Variants in KLHL32 observed in about 807,000 individuals in gnomAD.
The protein encoded by KLHL32 is kelch like family member 32, also known as kelch-like protein 32.
In KLHL32, 35 loss-of-function variants were observed where a neutral mutation model predicts 64.8. That is an observed-to-expected ratio of 0.54 (90% CI 0.41 to 0.72). The LOEUF (loss-of-function observed/expected upper bound fraction) is 0.72. Among genes scored for constraint, KLHL32 ranks in the 30% least tolerant of loss-of-function variants. The pLI is 0.00. For missense variants in KLHL32, 589 were observed against 768.5 expected, an observed-to-expected ratio of 0.77 and a Z score of 2.76; for synonymous variants, 259 against 281.0, an observed-to-expected ratio of 0.92 and a Z score of 0.78.
At chr6:97,058,034 A>T (rs1393399317) in intron 4 of KLHL32, among the ~76,000 whole-genome samples, 3 of 152,132 alleles carry the variant, frequency 2.0e-5, no homozygotes, top group Non-Finnish European at 4.4e-5. Flanking sequence ...CTATAATATT[A>T]TCTATGCTCT....
chr6:97,125,944 G>A (rs183231267), intron 7 of KLHL32, among the ~76,000 whole-genome samples: 83 of 152,266 alleles, frequency 5.5e-4, no homozygotes, highest in Non-Finnish European at 1.1e-3. Context: ...CTCAAAGAGG[G>A]AGAGAAAGAA....
chr6:96,944,713 G>A (rs1277116960), intron 1 of KLHL32, among the ~76,000 whole-genome samples: 3 of 152,232 alleles, frequency 2.0e-5, no homozygotes, highest in Non-Finnish European at 4.4e-5. Flanking sequence ...GTAATAAGTT[G>A]TGAGGTTAGA....
intron 1 of KLHL32, among the ~76,000 whole-genome samples, chr6:96,947,980 G>T (rs949314044): frequency 6.6e-6 from 1 of 152,112 alleles, no homozygotes; most frequent in African/African-American, 2.4e-5. Context: ...ATAAAGAAAT[G>T]AATTGTATGA....
At chr6:96,937,774 C>G (rs1770792838) in intron 1 of KLHL32, among the ~76,000 whole-genome samples, 3 of 152,192 alleles carry the variant, frequency 2.0e-5, no homozygotes, top group Non-Finnish European at 4.4e-5. Flanking sequence ...TACAGCTTCT[C>G]TGTGCCACTT....
chr6:96,965,555 A>G (rs185859355), intron 1 of KLHL32, among the ~76,000 whole-genome samples: 40 of 152,332 alleles, frequency 2.6e-4, no homozygotes, highest in Admixed American at 2.2e-3. Flanking sequence ...GGACTTTCAG[A>G]AAGATTAAGG....
intron 1 of KLHL32, among the ~76,000 whole-genome samples, chr6:96,945,920 C>G (rs987984459): frequency 6.6e-6 from 1 of 152,042 alleles, no homozygotes; most frequent in Non-Finnish European, 1.5e-5. Context: ...TGAGACAAAC[C>G]CTGGAACTGA....
At chr6:96,907,949 A>G in the KLHL32 span, among the ~76,000 whole-genome samples, 1 of 152,256 alleles carries the variant, frequency 6.6e-6, no homozygotes, top group Non-Finnish European at 1.5e-5. Flanking sequence ...AGAAACCAAT[A>G]GAACAGACCA....
chr6:97,120,050 G>A (rs1798200620), intron 7 of KLHL32, among the ~76,000 whole-genome samples: 1 of 152,102 alleles, frequency 6.6e-6, no homozygotes, highest in Non-Finnish European at 1.5e-5. Context: ...TGAAGGTGTA[G>A]GGAGGAGGGG....
chr6:96,907,879 G>A, the KLHL32 span, among the ~76,000 whole-genome samples: 42,794 of 152,104 alleles, frequency 0.28, 6,071 homozygotes, highest in South Asian at 0.32. Context: ...CGCTCAAGAT[G>A]TACAACTAAT....
intron 4 of KLHL32, among the ~76,000 whole-genome samples, chr6:97,049,804 A>G (rs1229446318): frequency 6.6e-6 from 1 of 152,164 alleles, no homozygotes; most frequent in Non-Finnish European, 1.5e-5. Context: ...CTCTTTTATC[A>G]GTGCATTATT....
chr6:96,903,413 A>T, the KLHL32 span, among the ~76,000 whole-genome samples: 1 of 152,206 alleles, frequency 6.6e-6, no homozygotes, highest in African/African-American at 2.4e-5. Context: ...GATTACGGTC[A>T]CTCTCATGAT....
intron 6 of KLHL32, among the ~76,000 whole-genome samples, chr6:97,099,248 G>A (rs1235474804): frequency 6.6e-6 from 1 of 152,162 alleles, no homozygotes; most frequent in Non-Finnish European, 1.5e-5. Flanking sequence ...CCCCTCAACG[G>A]TGATATTCCC....
intron 3 of KLHL32, among the ~76,000 whole-genome samples, chr6:97,012,028 C>T (rs1413541897): frequency 6.6e-6 from 1 of 152,150 alleles, no homozygotes; most frequent in Non-Finnish European, 1.5e-5. Context: ...TAATCAATCA[C>T]GTAACTGCTG....
the KLHL32 span, among the ~76,000 whole-genome samples, chr6:96,901,007 G>C: frequency 6.6e-6 from 1 of 152,162 alleles, no homozygotes; most frequent in African/African-American, 2.4e-5. Context: ...CTGGGAGCGG[G>C]GGGTAGTGCC....
chr6:96,931,433 A>C (rs747123497), intron 1 of KLHL32, among the ~76,000 whole-genome samples: 1 of 152,234 alleles, frequency 6.6e-6, no homozygotes. Flanking sequence ...TAGCCTGAGC[A>C]GTATATTGTA....
At chr6:96,960,810 G>A (rs1252183605) in intron 1 of KLHL32, among the ~76,000 whole-genome samples, 3 of 152,148 alleles carry the variant, frequency 2.0e-5, no homozygotes, top group Admixed American at 6.5e-5. Flanking sequence ...TGGAAGCGGG[G>A]GCTTCTGGGT....
chr6:97,128,015 C>T (rs1194755451), intron 8 of KLHL32, among the ~76,000 whole-genome samples: 1 of 152,132 alleles, frequency 6.6e-6, no homozygotes, highest in Non-Finnish European at 1.5e-5. Flanking sequence ...TATTTTTATT[C>T]TCTTTTCCAT....
At chr6:96,924,180 C>G (rs1395053900), upstream of KLHL32, among the ~76,000 whole-genome samples, 1 of 152,190 alleles carries the variant, frequency 6.6e-6, no homozygotes, top group Non-Finnish European at 1.5e-5. Context: ...ACTGTAGGGC[C>G]GCTAGGACTA....
At chr6:96,934,086 C>G (rs1316271580) in intron 1 of KLHL32, among the ~76,000 whole-genome samples, 1 of 152,216 alleles carries the variant, frequency 6.6e-6, no homozygotes, top group African/African-American at 2.4e-5. Context: ...ATTAAGAGTG[C>G]TCTGATACTG....
Sources: gnomAD v4.1 joint callset for allele counts (sites outside exome capture counted in the v4.1 genomes callset) on GRCh38, gnomAD v4.1.1 for gene constraint, MANE v1.5 for transcripts, NCBI Gene and HGNC (gene_info 2026-07-23, HGNC 2026-07-21) for gene names.